Variants in TRPC5OS observed in about 807,000 individuals in gnomAD.
TRPC5OS encodes putative uncharacterized protein TRPC5OS.
For missense variants in TRPC5OS, 64 were observed against 79.3 expected (o/e 0.81, Z 0.73); for synonymous variants, 30 against 29.3 (o/e 1.02, Z -0.08).
upstream of TRPC5OS, chrX:111,876,141 G>A (rs1020287942): frequency 9.0e-6 from 1 of 111,027 alleles, no homozygotes; most frequent in Non-Finnish European, 1.9e-5. Flanking sequence ...TTATGTAGAC[G>A]GAAGAGGAGG....
chrX:111,901,971 A>G lies in TRPC5OS; in HGVS notation c.122A>G (p.Glu41Gly). 2 of 1,155,682 alleles carry G rather than the reference A, an allele frequency of 1.7e-6. No individual in the cohort carries two copies. Among genetic ancestry groups the G allele is most frequent in the Non-Finnish European group, 2.3e-6 (2 of 872,690 alleles). Residue 41 changes from glutamate (E) to glycine (G), a missense_variant, in exon 4 of 4, where the codon GAA (glutamate) becomes GGA (glycine). Transcript: ENST00000635763. ...CAAGTACAAGAAGTTCCTTATGTAG[A>G]AGAAAATGGTAGAGCAGAAGAGACT... ...ILQVQEVPYV[E>G]ENGRAEETEA...
At chrX:111,876,487 A>C (rs777143413) in intron 1 of TRPC5OS, among the ~76,000 whole-genome samples, 3 of 111,899 alleles carry the variant, frequency 2.7e-5, no homozygotes, top group African/African-American at 9.7e-5. Context: ...ACTGATATAA[A>C]CATCGTTTAT....
At chrX:111,901,353 A>G (rs1044761828) in intron 3 of TRPC5OS, among the ~76,000 whole-genome samples, 187 bp from the exon 4 acceptor site, 1 of 111,650 alleles carries the variant, frequency 9.0e-6, no homozygotes, top group Non-Finnish European at 1.9e-5. Flanking sequence ...GATAAAGACC[A>G]TGAGGTTTTC....
At position 111,901,707 on chromosome X, in the gene TRPC5OS, C is replaced by A; in HGVS notation, c.-143C>A. Reference sequence around the variant, plus strand: ...CTGTTCTCATTCTTTACTTGATCACCATCATAATCATATCAACATCCTAAT... The same window carrying A: ...CTGTTCTCATTCTTTACTTGATCACAATCATAATCATATCAACATCCTAAT... On this transcript the variant is annotated 5_prime_UTR_variant, in exon 4 of 4. Transcript: ENST00000635763. 1 of 419,046 alleles carries A rather than the reference C, an allele frequency of 2.4e-6. No homozygotes were observed. Among genetic ancestry groups the A allele is most frequent in the Non-Finnish European group, 4.0e-6 (1 of 249,738 alleles). 34.5% of individuals were successfully genotyped at this position (419,046 alleles called of 1,213,427 possible).
chrX:111,884,286 G>A (rs1805601336), intron 1 of TRPC5OS, among the ~76,000 whole-genome samples: 1 of 112,298 alleles, frequency 8.9e-6, no homozygotes, highest in Non-Finnish European at 1.9e-5. Context: ...GCTAGTTAGG[G>A]GCCTAGTCAG....
At chrX:111,901,286 T>C (rs1168181295) in intron 3 of TRPC5OS, among the ~76,000 whole-genome samples, 8 of 110,949 alleles carry the variant, frequency 7.2e-5, no homozygotes, top group Non-Finnish European at 1.9e-5. Flanking sequence ...AAAGAGATGC[T>C]CAAGAAAGAC....
intron 3 of TRPC5OS, among the ~76,000 whole-genome samples, chrX:111,898,295 G>GCA (rs1157447849): frequency 1.8e-3 from 166 of 93,564 alleles, no homozygotes; most frequent in African/African-American, 7.9e-3. Context: ...ACGCGTGTGT[G>GCA]CGCACACACA....
intron 1 of TRPC5OS, among the ~76,000 whole-genome samples, chrX:111,885,542 GTTT>G (rs760694250): frequency 3.2e-4 from 31 of 97,748 alleles, no homozygotes; most frequent in Admixed American, 6.7e-4. Flanking sequence ...TAATCAAAGG[GTTT>G]TTTTTTTTTT....
At chrX:111,898,121 C>A in intron 3 of TRPC5OS, among the ~76,000 whole-genome samples, 1 of 108,572 alleles carries the variant, frequency 9.2e-6, no homozygotes. Flanking sequence ...ATTTGCATTT[C>A]TTTGATTACT....
At position 111,878,583 on chromosome X, in the gene TRPC5OS, T is replaced by C. The variant is rs929133983; in HGVS notation, c.-546+2310T>C. Among the ~76,000 whole-genome samples, 10 of 111,749 alleles carry C rather than the reference T, an allele frequency of 8.9e-5. No individual in the cohort carries two copies. The East Asian group carries it at 1.1e-3, about 13-fold the overall frequency. On this transcript the variant is annotated intron_variant, in intron 1 of 3. Coordinates refer to ENST00000635763, the MANE Select transcript of TRPC5OS (RefSeq NM_001195578.2). The stretch of plus-strand genomic sequence containing the variant: ...TTCTTGGAGACTGTTCTGTGTACTG[T>C]AGGGTGTTTAGTATTTCCCCAGCCT...
rs189023313 is a variant in TRPC5OS, at chrX:111,903,952, G to T, written c.*1767G>T. 8.9e-6 allele frequency: 1 copy of T among 112,073 alleles called. No individual in the cohort carries two copies. The highest frequency in any genetic ancestry group is 1.9e-5 in the Non-Finnish European group (1 of 53,213). 9.2% of individuals were successfully genotyped at this position (112,073 alleles called of 1,213,427 possible). A position where few individuals can be genotyped will look rare whatever the true frequency, so the allele number is the denominator to read the frequency against. On this transcript the variant is annotated 3_prime_UTR_variant, in exon 4 of 4. Coordinates refer to ENST00000635763, the MANE Select transcript of TRPC5OS (RefSeq NM_001195578.2). ...ACCATTTTATTGTTTTCTTTCAAGA[G>T]ATTTTAACTAATAAACTTTCATTCA... is the stretch of plus-strand genomic sequence containing the variant.
intron 1 of TRPC5OS, among the ~76,000 whole-genome samples, chrX:111,888,423 C>T (rs1295658594): frequency 9.4e-6 from 1 of 106,744 alleles, no homozygotes; most frequent in Non-Finnish European, 1.9e-5. Context: ...GCCTGTAATC[C>T]CAGAACTTTG....
chrX:111,893,451 TTGAGGAAACACTG>T (rs1924910264), intron 1 of TRPC5OS, among the ~76,000 whole-genome samples: 1 of 111,803 alleles, frequency 8.9e-6, no homozygotes, highest in South Asian at 3.8e-4. Context: ...GAACAGTGTT[TTGAGGAAACACTG>T]TATCTGTCTA....
At chrX:111,889,842 G>A (rs1482313069) in intron 1 of TRPC5OS, among the ~76,000 whole-genome samples, 1 of 111,732 alleles carries the variant, frequency 8.9e-6, no homozygotes, top group Non-Finnish European at 1.9e-5. Context: ...TATTTTCATG[G>A]ATCAGCATAT....
At chrX:111,881,146 GTTTAT>G (rs747702186) in intron 1 of TRPC5OS, among the ~76,000 whole-genome samples, 1,169 of 101,135 alleles carry the variant, frequency 0.012, 15 homozygotes, top group African/African-American at 0.032. Flanking sequence ...ATTTTCTTTT[GTTTAT>G]TTTATTTTAT....
At chrX:111,881,839 T>A (rs1323922741) in intron 1 of TRPC5OS, 1 of 111,222 alleles carries the variant, frequency 9.0e-6, no homozygotes, top group Non-Finnish European at 1.9e-5. Context: ...GAAGCAGTTG[T>A]ACAGACCATT....
chrX:111,878,117 T>C (rs1225651943), intron 1 of TRPC5OS, among the ~76,000 whole-genome samples: 2 of 110,697 alleles, frequency 1.8e-5, no homozygotes, highest in Non-Finnish European at 3.8e-5. Context: ...AAACATCAGC[T>C]CAAGATCCAA....
chrX:111,883,864 C>T (rs1367434245), intron 1 of TRPC5OS, among the ~76,000 whole-genome samples: 1 of 112,727 alleles, frequency 8.9e-6, no homozygotes, highest in Admixed American at 9.4e-5. Flanking sequence ...TAGTCCTAAT[C>T]AGAACTTAGT....
In TRPC5OS at chrX:111,891,633, C is replaced by T. The variant is rs774974320; in HGVS notation, c.-545-4318C>T. Among the ~76,000 whole-genome samples, 15 of 111,524 alleles carry T rather than the reference C, an allele frequency of 1.3e-4. No individual in the cohort carries two copies. In the South Asian group the frequency reaches 4.2e-3, roughly 31 times the overall value. On this transcript the variant is annotated intron_variant, in intron 1 of 3. Transcript: ENST00000635763. ...TCAGCTCACTGCAACCTCCGCCTCCCGGGTTCAAGCGATTCTCCTGCCTCA... is the reference window on the plus strand; with the variant it reads ...TCAGCTCACTGCAACCTCCGCCTCCTGGGTTCAAGCGATTCTCCTGCCTCA...
Sources: gnomAD v4.1 joint callset for allele counts (sites outside exome capture counted in the v4.1 genomes callset) on GRCh38, gnomAD v4.1.1 for gene constraint, MANE v1.5 for transcripts, NCBI Gene and HGNC (gene_info 2026-07-23, HGNC 2026-07-21) for gene names.